Variants in CDKL3 observed in about 807,000 individuals in gnomAD.
The protein encoded by CDKL3 is cyclin-dependent kinase-like 3.
CDKL3 carries 65 observed loss-of-function variants against 69.3 expected under a neutral mutation model. The observed-to-expected ratio is 0.94, with a 90% CI of 0.77 to 1.15. The LOEUF (loss-of-function observed/expected upper bound fraction) is 1.15, where lower values mean the gene tolerates loss of function less well. Ranked by LOEUF, CDKL3 falls within the 50% of genes most tolerant of loss-of-function variation. The pLI, the probability that CDKL3 is intolerant of heterozygous loss-of-function variation, is 0.00. For missense variants in CDKL3, 652 were observed against 689.2 expected, an observed-to-expected ratio of 0.95 and a Z score of 0.61; for synonymous variants, 202 against 221.6, an observed-to-expected ratio of 0.91 and a Z score of 0.79.
In CDKL3 at chr5:134,350,233, C is replaced by T; in HGVS notation, c.539+16G>A. On this transcript the variant is annotated intron_variant, in intron 4 of 12. Coordinates refer to ENST00000265334, the MANE Select transcript of CDKL3 (RefSeq NM_001113575.2). The stretch of plus-strand genomic sequence containing the variant: ...GATACCTAGGAAAGGCTGACAGGAT[C>T]CCAAAATACACATACTTTCCATAAG... 6.6e-7 allele frequency: 1 copy of T among 1,517,654 alleles called. No homozygotes were observed. Among genetic ancestry groups the T allele is most frequent in the South Asian group, 1.3e-5 (1 of 77,504 alleles). 94.0% of individuals were successfully genotyped at this position (1,517,654 alleles called of 1,614,324 possible).
downstream of CDKL3, among the ~76,000 whole-genome samples, chr5:134,293,419 CTAATTCA>C (rs1416946615): frequency 6.6e-6 from 1 of 151,968 alleles, no homozygotes; most frequent in African/African-American, 2.4e-5. Flanking sequence ...AGAATACTTC[CTAATTCA>C]TTTTATAAGC....
intron 2 of CDKL3, among the ~76,000 whole-genome samples, chr5:134,364,733 G>A (rs948717717): frequency 6.6e-6 from 1 of 151,662 alleles, no homozygotes; most frequent in African/African-American, 2.4e-5. Context: ...GGCTGGTCTC[G>A]AACTCCTGAC....
At chr5:134,300,935 C>G (rs1766145622) in intron 12 of CDKL3, among the ~76,000 whole-genome samples, 1 of 151,704 alleles carries the variant, frequency 6.6e-6, no homozygotes, top group Admixed American at 6.6e-5. Context: ...GTATGTCACC[C>G]AAATTTAAAA....
chr5:134,309,538 T>A (rs1275029862), intron 7 of CDKL3, among the ~76,000 whole-genome samples: 1 of 152,196 alleles, frequency 6.6e-6, no homozygotes, highest in East Asian at 1.9e-4. Context: ...GATTAGAAAG[T>A]CCATTCATGT....
chr5:134,335,894 T>G (rs534599656), intron 4 of CDKL3, among the ~76,000 whole-genome samples: 5 of 152,328 alleles, frequency 3.3e-5, no homozygotes, highest in Admixed American at 3.3e-4. Flanking sequence ...GAAGTTTTCC[T>G]GGGTAATATC....
chr5:134,342,336 C>A (rs1019674338), intron 4 of CDKL3, among the ~76,000 whole-genome samples: 13 of 151,882 alleles, frequency 8.6e-5, no homozygotes, highest in Non-Finnish European at 1.8e-4. Context: ...CGGTGGCTCA[C>A]GCCTGTAATC....
At chr5:134,371,537 G>T, upstream of CDKL3, 3 of 1,587,942 alleles carry the variant, frequency 1.9e-6, no homozygotes, top group Non-Finnish European at 2.6e-6. Context: ...GCGCCGGGGG[G>T]TGGGGGGGCT....
intron 3 of CDKL3, among the ~76,000 whole-genome samples, chr5:134,357,992 T>C (rs1448285425): frequency 1.3e-5 from 2 of 152,174 alleles, no homozygotes; most frequent in Non-Finnish European, 2.9e-5. Context: ...GGCAGGAGGA[T>C]CACTTGAGCC....
intron 6 of CDKL3, among the ~76,000 whole-genome samples, chr5:134,313,473 T>A (rs1473463508): frequency 6.6e-6 from 1 of 152,158 alleles, no homozygotes; most frequent in Non-Finnish European, 1.5e-5. Flanking sequence ...GTAAGTATTA[T>A]TATTATCCTC....
At position 134,298,533 on chromosome 5, in the gene CDKL3, A is replaced by G. The variant is rs1765528047; in HGVS notation, c.*118T>C. On this transcript the variant is annotated 3_prime_UTR_variant, in exon 13 of 13. Coordinates refer to ENST00000265334, the MANE Select transcript of CDKL3 (RefSeq NM_001113575.2). ...TTTTGCTAACAAAAAAAGCTGGATG[A>G]TGCTCATGCACATGGATGGCTGTCT... 6.8e-7 allele frequency: 1 copy of G among 1,465,906 alleles called. No homozygotes were observed. The highest frequency in any genetic ancestry group is 2.5e-5 in the Admixed American group (1 of 40,154). The allele number at this position is 1,465,906 out of a possible 1,614,324, so 90.8% of individuals were successfully genotyped here.
At chr5:134,314,834 A>G (rs1473890835) in intron 6 of CDKL3, among the ~76,000 whole-genome samples, 1 of 152,116 alleles carries the variant, frequency 6.6e-6, no homozygotes, top group African/African-American at 2.4e-5. Flanking sequence ...AAAGGACACA[A>G]TGAAATTTTG....
intron 4 of CDKL3, among the ~76,000 whole-genome samples, chr5:134,325,832 C>T (rs1364953012): frequency 2.0e-5 from 3 of 151,280 alleles, no homozygotes; most frequent in Middle Eastern, 3.4e-3. Flanking sequence ...GGCGCGATCT[C>T]GGCTGACTGG....
chr5:134,371,154 T>G (rs1581312313), upstream of CDKL3: 1 of 266,290 alleles, frequency 3.8e-6, no homozygotes, highest in South Asian at 3.6e-5. Context: ...CCCACCTCCT[T>G]TCCCTGAAAT....
At chr5:134,295,515 T>C (rs1765309206), downstream of CDKL3, among the ~76,000 whole-genome samples, 1 of 152,188 alleles carries the variant, frequency 6.6e-6, no homozygotes, top group Non-Finnish European at 1.5e-5. Flanking sequence ...GGAATAACTC[T>C]TGATTTCCCT....
At chr5:134,364,540 G>A (rs552763035) in intron 2 of CDKL3, among the ~76,000 whole-genome samples, 116 of 151,474 alleles carry the variant, frequency 7.7e-4, no homozygotes, top group African/African-American at 2.6e-3. Flanking sequence ...TAGACAAGGT[G>A]TTGCTCTGTT....
intron 11 of CDKL3, among the ~76,000 whole-genome samples, 199 bp downstream of exon 11, chr5:134,304,206 C>G (rs750283638): frequency 6.6e-6 from 1 of 152,042 alleles, no homozygotes; most frequent in Non-Finnish European, 1.5e-5. Flanking sequence ...TGGGATTACA[C>G]GCCTAAGCCT....
intron 4 of CDKL3, among the ~76,000 whole-genome samples, chr5:134,335,256 T>C (rs751768630): frequency 1.1e-4 from 16 of 152,024 alleles, no homozygotes; most frequent in Non-Finnish European, 1.9e-4. Context: ...AGCACACTGA[T>C]GGGTCTTGAC....
chr5:134,284,581 T>C (rs932355818), downstream of CDKL3, among the ~76,000 whole-genome samples: 1 of 152,178 alleles, frequency 6.6e-6, no homozygotes, highest in African/African-American at 2.4e-5. Context: ...TTCGCCAGGC[T>C]GGAATTTCCT....
intron 4 of CDKL3, among the ~76,000 whole-genome samples, chr5:134,349,759 C>A (rs1752783266): frequency 6.6e-6 from 1 of 152,154 alleles, no homozygotes; most frequent in Non-Finnish European, 1.5e-5. Flanking sequence ...CAGTAGCCAG[C>A]AATGCAGGTA....
Sources: allele counts gnomAD v4.1 joint callset (sites outside exome capture counted in the v4.1 genomes callset), GRCh38; gene constraint gnomAD v4.1.1; transcripts MANE v1.5; gene names NCBI Gene and HGNC (gene_info 2026-07-23, HGNC 2026-07-21).